Variants in CDK12 observed in about 807,000 individuals in gnomAD.
CDK12 encodes the protein cyclin dependent kinase 12.
In CDK12, 17 loss-of-function variants were observed where a neutral mutation model predicts 133.8. The ratio of observed to expected loss-of-function variants is 0.13; its 90% CI spans 0.09 to 0.19. The LOEUF (loss-of-function observed/expected upper bound fraction) is 0.19, where lower values mean the gene tolerates loss of function less well. CDK12 is among the 10% of genes least tolerant of loss of function. CDK12 has a pLI of 1.00. For synonymous variants in CDK12, 694 were observed against 683.6 expected (o/e 1.02, Z -0.24); for missense variants, 1,508 against 1,818.7 (o/e 0.83, Z 3.11).
At chr17:39,537,089 T>TA (rs1393295477), downstream of CDK12, among the ~76,000 whole-genome samples, 1 of 152,156 alleles carries the variant, frequency 6.6e-6, no homozygotes, top group African/African-American at 2.4e-5. Context: ...AAGTCCACCA[T>TA]ATAGCAGTCA....
intron 3 of CDK12, among the ~76,000 whole-genome samples, chr17:39,560,010 T>C (rs118026052): frequency 0.024 from 3,661 of 152,100 alleles, 83 homozygotes; most frequent in Non-Finnish European, 0.038. Context: ...TTGCCCAGGG[T>C]GGTCTCAAAC....
rs2049774048 is a variant in CDK12, at chr17:39,471,318, A to G, written c.1486A>G (p.Lys496Glu). The change falls in exon 2 of 14, where the codon AAA (lysine) becomes GAA (glutamate). Residue 496 changes from lysine (K) to glutamate (E), a missense_variant. Physicochemically the swap from Lys to Glu is moderately conservative, Grantham distance 56. Around this residue, in one of 9 missense-constraint regions of CDK12, gnomAD observed 347 missense variants for 330.8 expected, o/e 1.05. Transcript: ENST00000447079. ...NSEKHLVKDL[K>E]AQGTRDSKPI... ...CGAGAAGCATCTTGTTAAAGATTTG[A>G]AAGCACAGGGAACAAGAGACTCTAA... 1 of 1,613,822 alleles carries G rather than the reference A, an allele frequency of 6.2e-7. No individual in the cohort carries two copies.
At position 39,524,747 on chromosome 17, in the gene CDK12, G is replaced by A. The variant is rs998458930; in HGVS notation, c.3169G>A (p.Val1057Ile). Residue 1057 changes from valine to isoleucine, a missense_variant, in exon 12 of 14, where the codon GTC becomes ATC. Physicochemically the swap from Val to Ile is conservative, Grantham distance 29. Around this residue, in one of 9 missense-constraint regions of CDK12, gnomAD observed 399 missense variants for 469.6 expected, o/e 0.85. Transcript: ENST00000447079. ...RRRQRQSGVV[V>I]EEPPPSKTSR... Reference sequence around the variant, plus strand: ...ACGTCAGCGACAAAGTGGTGTTGTAGTCGAAGAGCCACCTCCATCCAAAAC... The same window carrying A: ...ACGTCAGCGACAAAGTGGTGTTGTAATCGAAGAGCCACCTCCATCCAAAAC... The A allele has an allele frequency of 6.2e-7, 1 of 1,614,186 alleles. No individual in the cohort carries two copies. The highest frequency in any genetic ancestry group is 8.5e-7 in the Non-Finnish European group (1 of 1,180,046).
At chr17:39,517,083 A>G (rs1210031414) in intron 9 of CDK12, among the ~76,000 whole-genome samples, 2 of 152,170 alleles carry the variant, frequency 1.3e-5, no homozygotes, top group Non-Finnish European at 2.9e-5. Context: ...AGTTTACCCT[A>G]TAGGGATACT....
In CDK12 at chr17:39,531,481, T is replaced by A. The variant is rs1296933970; in HGVS notation, c.*165T>A. The A allele has an allele frequency of 1.8e-6, 1 of 567,672 alleles. No homozygotes were observed. The highest frequency in any genetic ancestry group is 2.7e-6 in the Non-Finnish European group (1 of 363,908). The allele number at this position is 567,672 out of a possible 1,614,324, so 35.2% of individuals were successfully genotyped here. Reference sequence around the variant, plus strand: ...GCTCACTTGCTACTAGCAGGCGACTTACGAAATAATGATGTTGGCACCAGT... The same window carrying A: ...GCTCACTTGCTACTAGCAGGCGACTAACGAAATAATGATGTTGGCACCAGT... On this transcript the variant is annotated 3_prime_UTR_variant, in exon 14 of 14. Coordinates refer to ENST00000447079, the MANE Select transcript of CDK12 (RefSeq NM_016507.4).
intron 12 of CDK12, among the ~76,000 whole-genome samples, chr17:39,525,228 A>G (rs1279221706): frequency 6.6e-6 from 1 of 152,218 alleles, no homozygotes; most frequent in Admixed American, 6.5e-5. Context: ...AGCCTTGTTT[A>G]TATTAGATTT....
upstream of CDK12, among the ~76,000 whole-genome samples, chr17:39,543,421 T>C (rs1467747501): frequency 6.6e-6 from 1 of 152,162 alleles, no homozygotes; most frequent in East Asian, 1.9e-4. Flanking sequence ...CCTTCCAGTG[T>C]TTGCTTTCTC....
In CDK12 at chr17:39,466,565, G is replaced by A. The variant is rs550868471; in HGVS notation, c.1046+3448G>A. 1.1e-4 allele frequency among the ~76,000 whole-genome samples: 15 copies of A among 132,876 alleles called. 1 individual carries two copies. In the South Asian group the frequency reaches 3.8e-3, roughly 33 times the overall value. The allele number at this position is 132,876 out of a possible 152,430, so 87.2% of individuals were successfully genotyped here. A position where few individuals can be genotyped will look rare whatever the true frequency, so the allele number is the denominator to read the frequency against. On this transcript the variant is annotated intron_variant, in intron 1 of 13. Transcript: ENST00000447079. ...GGAGGAGGAGGTTGAGGTGAGCCGC[G>A]ATTGCAATAATTGCACTCCATCCTG... is the stretch of plus-strand genomic sequence containing the variant.
Position 39,462,621 on chromosome 17 carries a change from A to G in CDK12, c.550A>G (p.Thr184Ala). 1 of 1,614,164 alleles carries G rather than the reference A, an allele frequency of 6.2e-7. No homozygotes were observed. The highest frequency in any genetic ancestry group is 8.5e-7 in the Non-Finnish European group (1 of 1,180,042). ...SRSSKLHKEK[T>A]RKERELKSGH... Reference sequence around the variant, plus strand: ...GTCATCCAAGCTCCACAAGGAGAAGACCAGGAAAGAACGGGAGCTGAAGTC... The same window carrying G: ...GTCATCCAAGCTCCACAAGGAGAAGGCCAGGAAAGAACGGGAGCTGAAGTC... Residue 184 changes from threonine (T) to alanine (A), a missense_variant, in exon 1 of 14, where the codon ACC (threonine) becomes GCC (alanine). Thr to Ala is a moderately conservative substitution (Grantham distance 58, BLOSUM62 0). Around this residue, in one of 9 missense-constraint regions of CDK12, gnomAD observed 460 missense variants for 490.8 expected, o/e 0.94. Transcript: ENST00000447079.
rs538350904 is a variant in CDK12, at chr17:39,501,924, A to G, written c.2609+485A>G. ...CAGTGGCGTGATCTCGTCTCACTGC[A>G]ACCTCCACCTCCCAGGTTCAAGCGA... is the stretch of plus-strand genomic sequence containing the variant. On this transcript the variant is annotated intron_variant, in intron 6 of 13. Transcript: ENST00000447079. 2.5e-4 allele frequency among the ~76,000 whole-genome samples: 38 copies of G among 150,628 alleles called. 1 individual carries two copies. The East Asian group carries it at 7.2e-3, about 28-fold the overall frequency.
intron 6 of CDK12, among the ~76,000 whole-genome samples, chr17:39,504,028 T>A (rs2052918748): frequency 1.3e-5 from 2 of 152,144 alleles, no homozygotes; most frequent in Admixed American, 6.6e-5. Context: ...CAGACACCAC[T>A]AGTAGGGATG....
At chr17:39,490,990 T>C (rs2051548078) in intron 3 of CDK12, among the ~76,000 whole-genome samples, 1 of 152,118 alleles carries the variant, frequency 6.6e-6, no homozygotes, top group Non-Finnish European at 1.5e-5. Flanking sequence ...TTTATCTCAT[T>C]ATGTCTTTTT....
intron 5 of CDK12, among the ~76,000 whole-genome samples, chr17:39,497,347 A>C (rs1307448707): frequency 2.0e-5 from 3 of 152,070 alleles, no homozygotes; most frequent in Non-Finnish European, 4.4e-5. Context: ...AGTTTGAGCC[A>C]AGCCTGGCCA....
At chr17:39,513,197 T>A (rs1280834451) in intron 8 of CDK12, among the ~76,000 whole-genome samples, 1 of 152,200 alleles carries the variant, frequency 6.6e-6, no homozygotes, top group Non-Finnish European at 1.5e-5. Flanking sequence ...TGGCCATGTT[T>A]GTTAATTGTA....
At chr17:39,534,711 G>A (rs1345208805), downstream of CDK12, 1 of 192,956 alleles carries the variant, frequency 5.2e-6, no homozygotes, top group East Asian at 8.3e-5. Flanking sequence ...GATTTGAAGA[G>A]GTGCTTGAAA....
At chr17:39,500,565 G>A (rs538313965) in intron 5 of CDK12, among the ~76,000 whole-genome samples, 24 of 151,236 alleles carry the variant, frequency 1.6e-4, no homozygotes, top group African/African-American at 2.9e-4. Context: ...CCCAGGAGGC[G>A]GAGGTTGCAG....
intron 2 of CDK12, among the ~76,000 whole-genome samples, chr17:39,553,249 A>G (rs1248158723): frequency 6.6e-6 from 1 of 152,068 alleles, no homozygotes; most frequent in Admixed American, 6.6e-5. Flanking sequence ...GATCTGGATG[A>G]CTAAACCTCC....
intron 9 of CDK12, among the ~76,000 whole-genome samples, chr17:39,516,076 A>G (rs2053784752): frequency 6.6e-6 from 1 of 152,198 alleles, no homozygotes; most frequent in African/African-American, 2.4e-5. Flanking sequence ...TCTTCCATTC[A>G]TAGCTCAGAT....
chr17:39,545,062 C>A (rs1421860425), upstream of CDK12, among the ~76,000 whole-genome samples: 1 of 152,164 alleles, frequency 6.6e-6, no homozygotes, highest in African/African-American at 2.4e-5. Flanking sequence ...GAGCAGGTAA[C>A]CCCCTTTCTT....
Sources: gnomAD v4.1 joint callset for allele counts (sites outside exome capture counted in the v4.1 genomes callset) on GRCh38, gnomAD v4.1.1 for gene constraint, gnomAD v4.1.1 regional missense constraint, MANE v1.5 for transcripts, NCBI Gene and HGNC (gene_info 2026-07-23, HGNC 2026-07-21) for gene names.